The following TBC1D1 variants were observed in gnomAD, a reference collection of about 807,000 sequenced individuals.
TBC1D1 encodes TBC1 domain family member 1.
A neutral mutation model predicts 125.6 loss-of-function variants in TBC1D1; 89 were observed. The ratio of observed to expected loss-of-function variants is 0.71; its 90% CI spans 0.60 to 0.85. The LOEUF (loss-of-function observed/expected upper bound fraction) is 0.85. Among genes scored for constraint, TBC1D1 ranks in the 40% least tolerant of loss-of-function variants. TBC1D1 has a pLI of 0.00. For missense variants in TBC1D1, 1,377 were observed against 1,469.2 expected (o/e 0.94, Z 1.03); for synonymous variants, 565 against 564.1 (o/e 1.00, Z -0.02).
intron 2 of TBC1D1, among the ~76,000 whole-genome samples, chr4:37,957,703 A>G (rs1333903205): frequency 6.6e-6 from 1 of 152,218 alleles, no homozygotes; most frequent in Non-Finnish European, 1.5e-5. Flanking sequence ...CTCCATTTTT[A>G]TCCTACACCA....
chr4:37,957,017 C>T (rs978623467), intron 2 of TBC1D1, among the ~76,000 whole-genome samples: 8 of 151,870 alleles, frequency 5.3e-5, no homozygotes, highest in Admixed American at 3.3e-4. Flanking sequence ...CACGGTGAAA[C>T]TTAAAGAATT....
intron 2 of TBC1D1, among the ~76,000 whole-genome samples, chr4:37,936,473 A>G (rs73142168): frequency 2.6e-5 from 4 of 152,270 alleles, no homozygotes; most frequent in South Asian, 4.2e-4. Context: ...GACTACTTCA[A>G]CACTGTATCT....
intron 2 of TBC1D1, among the ~76,000 whole-genome samples, chr4:37,908,228 T>TG (rs946664989): frequency 3.3e-5 from 5 of 152,122 alleles, no homozygotes; most frequent in African/African-American, 7.2e-5. Context: ...GCGCCTTTTT[T>TG]GGGGGGTCTC....
chr4:38,102,310 C>T (rs1760497423), intron 14 of TBC1D1, among the ~76,000 whole-genome samples: 1 of 150,928 alleles, frequency 6.6e-6, no homozygotes, highest in Admixed American at 6.6e-5. Flanking sequence ...TTTTGATTCT[C>T]TCTGCTTTCT....
intron 2 of TBC1D1, among the ~76,000 whole-genome samples, chr4:37,924,233 G>A (rs543106110): frequency 6.6e-6 from 1 of 152,086 alleles, no homozygotes; most frequent in South Asian, 2.1e-4. Flanking sequence ...ACAATCTCAT[G>A]GGATATTTTC....
At chr4:38,105,972 G>A (rs1761229680) in intron 15 of TBC1D1, among the ~76,000 whole-genome samples, 1 of 152,126 alleles carries the variant, frequency 6.6e-6, no homozygotes, top group Non-Finnish European at 1.5e-5. Flanking sequence ...GGATTGCAGG[G>A]TCGAATGGTA....
chr4:38,018,245 C>T (rs1413255580), intron 3 of TBC1D1, 109 bp from the exon 4 acceptor site: 13 of 821,920 alleles, frequency 1.6e-5, no homozygotes, highest in East Asian at 2.6e-5. Flanking sequence ...ATGATTTCTA[C>T]GATGATAGAG....
intron 13 of TBC1D1, 22 bp downstream of exon 15, chr4:38,090,139 T>C: frequency 6.2e-7 from 1 of 1,612,450 alleles, no homozygotes; most frequent in South Asian, 1.1e-5. Context: ...ATCTTGATAT[T>C]GAACAGGCCT....
intron 14 of TBC1D1, among the ~76,000 whole-genome samples, chr4:38,100,111 G>A (rs939830329): frequency 4.6e-5 from 7 of 152,208 alleles, no homozygotes; most frequent in African/African-American, 1.7e-4. Context: ...TGTGGGGAGG[G>A]TGTGCGTGTG....
At chr4:37,993,257 A>G (rs1737029356) in intron 2 of TBC1D1, among the ~76,000 whole-genome samples, 1 of 152,184 alleles carries the variant, frequency 6.6e-6, no homozygotes, top group African/African-American at 2.4e-5. Context: ...GAATCAGAAC[A>G]CTATGAAGAA....
intron 12 of TBC1D1, among the ~76,000 whole-genome samples, chr4:38,065,679 T>A (rs542287560): frequency 2.1e-5 from 3 of 142,174 alleles, no homozygotes; most frequent in Non-Finnish European, 3.0e-5. Context: ...AGAGTCTTGC[T>A]CTATCCCCCA....
chr4:38,106,776 G>A (rs6839424), intron 15 of TBC1D1, among the ~76,000 whole-genome samples: 57,218 of 151,976 alleles, frequency 0.38, 11,411 homozygotes, highest in East Asian at 0.63. Context: ...GGGAAAAGAA[G>A]AGACCAGATC....
At position 37,895,387 on chromosome 4, in the gene TBC1D1, G is replaced by A. The variant is rs1352410892; in HGVS notation, c.-94+4039G>A. Among the ~76,000 whole-genome samples, 7 of 152,090 alleles carry A rather than the reference G, an allele frequency of 4.6e-5. No homozygotes were observed. In the Admixed American group the frequency reaches 4.6e-4, roughly 10 times the overall value. On this transcript the variant is annotated intron_variant, in intron 1 of 19. Transcript: ENST00000261439. ...CTGTGCAATGAAGAGTATAAGAAGT[G>A]ACAGTGCCATTCTAAAGGACTAGCC...
chr4:37,972,481 C>CAAAA (rs74577993), intron 2 of TBC1D1, among the ~76,000 whole-genome samples: 2 of 98,060 alleles, frequency 2.0e-5, no homozygotes, highest in South Asian at 3.4e-4. Context: ...AACGCCGTTT[C>CAAAA]AAAAAAAAAA....
intron 2 of TBC1D1, among the ~76,000 whole-genome samples, chr4:37,976,112 A>G (rs2381134): frequency 0.71 from 108,212 of 152,184 alleles, 39,443 homozygotes; most frequent in East Asian, 0.93. Flanking sequence ...GGATTTGTGC[A>G]TTCTCTTGGA....
At chr4:38,070,209 C>A (rs1195053684) in intron 12 of TBC1D1, among the ~76,000 whole-genome samples, 1 of 152,206 alleles carries the variant, frequency 6.6e-6, no homozygotes, top group Non-Finnish European at 1.5e-5. Flanking sequence ...GCATGAATTT[C>A]TTATTACTAA....
At chr4:38,028,142 CAA>C (rs371559180) in intron 7 of TBC1D1, among the ~76,000 whole-genome samples, 1 of 146,196 alleles carries the variant, frequency 6.8e-6, no homozygotes. Flanking sequence ...AAAAAAACAG[CAA>C]AAAAAAAAAT....
chr4:37,915,158 T>C (rs1457358342), intron 2 of TBC1D1, among the ~76,000 whole-genome samples: 1 of 152,234 alleles, frequency 6.6e-6, no homozygotes, highest in Non-Finnish European at 1.5e-5. Context: ...AATGAATGAA[T>C]GAATGTTACC....
At chr4:37,934,857 C>T (rs188256772) in intron 2 of TBC1D1, among the ~76,000 whole-genome samples, 1 of 152,282 alleles carries the variant, frequency 6.6e-6, no homozygotes, top group Non-Finnish European at 1.5e-5. Context: ...TAACAGCAAA[C>T]ATTTATTTTT....
Sources: gnomAD v4.1 joint callset for allele counts (sites outside exome capture counted in the v4.1 genomes callset) on GRCh38, gnomAD v4.1.1 for gene constraint, MANE v1.5 for transcripts, NCBI Gene and HGNC (gene_info 2026-07-23, HGNC 2026-07-21) for gene names.